Variants in IL18RAP observed in about 807,000 individuals in gnomAD.
The protein encoded by IL18RAP is interleukin-18 receptor accessory protein.
A neutral mutation model predicts 58.1 loss-of-function variants in IL18RAP; 37 were observed. That is an observed-to-expected ratio of 0.64 (90% CI 0.49 to 0.84). The LOEUF (loss-of-function observed/expected upper bound fraction) is 0.84. Ranked by LOEUF, IL18RAP falls within the 40% of genes least tolerant of loss-of-function variation. The pLI, the probability that IL18RAP is intolerant of heterozygous loss-of-function variation, is 0.00. For missense variants in IL18RAP, 667 were observed against 704.8 expected, an observed-to-expected ratio of 0.95 and a Z score of 0.61; for synonymous variants, 268 against 257.5, an observed-to-expected ratio of 1.04 and a Z score of -0.39.
At chr2:102,419,399 T>C (rs1446223035), upstream of IL18RAP, 1 of 152,240 alleles carries the variant, frequency 6.6e-6, no homozygotes, top group Non-Finnish European at 1.5e-5. Context: ...TGTCTGCAGG[T>C]GTTCTCTGTG....
At position 102,423,250 on chromosome 2, in the gene IL18RAP, G is replaced by A; in HGVS notation, c.-28G>A. 1 of 1,608,106 alleles carries A rather than the reference G, an allele frequency of 6.2e-7. No individual in the cohort carries two copies. Among genetic ancestry groups the A allele is most frequent in the South Asian group, 1.1e-5 (1 of 90,980 alleles). On this transcript the variant is annotated 5_prime_UTR_variant, in exon 1 of 10. Coordinates refer to ENST00000687160, the MANE Select transcript of IL18RAP (RefSeq NM_001393487.1). ...ACTCTGGCAAAGGAATGAAGTTATT[G>A]GAGTGATGACAGGAACACGGGAGAA...
chr2:102,448,754 G>C (rs984560894), intron 8 of IL18RAP, among the ~76,000 whole-genome samples: 2 of 151,848 alleles, frequency 1.3e-5, no homozygotes, highest in Non-Finnish European at 2.9e-5. Flanking sequence ...GAGCTCAGGA[G>C]TTCAAGACCA....
intron 3 of IL18RAP, among the ~76,000 whole-genome samples, chr2:102,428,321 A>G (rs1337932968): frequency 6.7e-6 from 1 of 150,352 alleles, no homozygotes; most frequent in Non-Finnish European, 1.5e-5. Context: ...AATTCTTCCA[A>G]TCCATGGACA....
intron 3 of IL18RAP, chr2:102,432,190 C>T (rs78988255): frequency 6.6e-6 from 1 of 152,098 alleles, no homozygotes; most frequent in Non-Finnish European, 1.5e-5. Context: ...TGGCTGTTTT[C>T]TGTGCACTGA....
At chr2:102,424,870 A>T (rs901026756) in intron 3 of IL18RAP, among the ~76,000 whole-genome samples, 1 of 152,236 alleles carries the variant, frequency 6.6e-6, no homozygotes, top group African/African-American at 2.4e-5. Flanking sequence ...GGACGAATCC[A>T]AGGTGGGCCT....
At chr2:102,426,215 G>A (rs913949706) in intron 3 of IL18RAP, among the ~76,000 whole-genome samples, 5 of 152,140 alleles carry the variant, frequency 3.3e-5, no homozygotes, top group African/African-American at 4.8e-5. Flanking sequence ...TGGTGGGTAA[G>A]TCATACCTAC....
intron 3 of IL18RAP, among the ~76,000 whole-genome samples, chr2:102,435,580 G>A (rs1682680683): frequency 6.6e-6 from 1 of 152,158 alleles, no homozygotes. Context: ...AGGGAGGAGA[G>A]TGAAAGAAAT....
chr2:102,423,885 C>A lies in IL18RAP; in HGVS notation c.145C>A (p.Pro49Thr), dbSNP rs970437397. 1 of 1,613,710 alleles carries A rather than the reference C, an allele frequency of 6.2e-7. No individual in the cohort carries two copies. Among genetic ancestry groups the A allele is most frequent in the African/African-American group, 1.3e-5 (1 of 74,886 alleles). ...GGAATTTGTCTTATTTTGTGATTTA[C>A]CAGAGCCACAGAAATCACATTTCTG... ...EEEFVLFCDL[P>T]EPQKSHFCHR... The change falls in exon 2 of 10, where the codon CCA becomes ACA. Residue 49 changes from proline to threonine, a missense_variant. Coordinates refer to ENST00000687160, the MANE Select transcript of IL18RAP (RefSeq NM_001393487.1).
At chr2:102,443,407 A>T in intron 6 of IL18RAP, 84 bp downstream of exon 6, 2 of 1,461,678 alleles carry the variant, frequency 1.4e-6, no homozygotes, top group East Asian at 4.8e-5. Context: ...TATACAGTTG[A>T]TGGTGTAGCC....
intron 1 of IL18RAP, 143 bp from the exon 2 acceptor site, chr2:102,423,668 C>A: frequency 1.4e-6 from 1 of 703,786 alleles, no homozygotes; most frequent in Admixed American, 2.9e-5. Context: ...CAGGCACTTC[C>A]TTTCCCCTAC....
intron 3 of IL18RAP, among the ~76,000 whole-genome samples, chr2:102,424,691 C>A (rs979686909): frequency 6.6e-5 from 10 of 152,172 alleles, no homozygotes; most frequent in African/African-American, 1.9e-4. Context: ...CATAAACCTA[C>A]TAACATCTGC....
At chr2:102,445,979 A>G (rs951658280) in intron 7 of IL18RAP, among the ~76,000 whole-genome samples, 24 of 152,256 alleles carry the variant, frequency 1.6e-4, no homozygotes, top group African/African-American at 5.8e-4. Context: ...TCAACAAGAC[A>G]AAGTGTGTTC....
intron 3 of IL18RAP, among the ~76,000 whole-genome samples, chr2:102,428,942 C>T (rs1490429743): frequency 3.3e-5 from 5 of 151,908 alleles, no homozygotes; most frequent in Admixed American, 1.3e-4. Flanking sequence ...GATATTTCTG[C>T]ATCGATTGAG....
At chr2:102,436,453 C>A (rs1226355599) in intron 3 of IL18RAP, among the ~76,000 whole-genome samples, 1 of 152,198 alleles carries the variant, frequency 6.6e-6, no homozygotes, top group Non-Finnish European at 1.5e-5. Context: ...CCCACAGCTG[C>A]ACTTCTCTGG....
At chr2:102,422,830 T>A (rs1681660243), upstream of IL18RAP, among the ~76,000 whole-genome samples, 1 of 152,176 alleles carries the variant, frequency 6.6e-6, no homozygotes, top group South Asian at 2.1e-4. Flanking sequence ...AATCTGACAG[T>A]TTTATTCAAC....
At chr2:102,421,403 C>T (rs1256816975), upstream of IL18RAP, among the ~76,000 whole-genome samples, 1 of 152,154 alleles carries the variant, frequency 6.6e-6, no homozygotes, top group Admixed American at 6.5e-5. Context: ...TGCTTCATCA[C>T]ATGGGTGGTG....
chr2:102,427,019 TG>T (rs1266364565), intron 3 of IL18RAP, among the ~76,000 whole-genome samples: 2 of 152,182 alleles, frequency 1.3e-5, no homozygotes, highest in Non-Finnish European at 2.9e-5. Flanking sequence ...TTTGTCTTTC[TG>T]TGCCCGGCTT....
At chr2:102,437,796 C>T (rs935609687) in intron 4 of IL18RAP, among the ~76,000 whole-genome samples, 11 of 152,132 alleles carry the variant, frequency 7.2e-5, no homozygotes, top group Non-Finnish European at 2.9e-5. Flanking sequence ...CCTTTGCTCC[C>T]ACAGTATAGT....
At position 102,445,259 on chromosome 2, in the gene IL18RAP, C is replaced by T. The variant is rs765727774; in HGVS notation, c.991C>T (p.Leu331Phe). The T allele has an allele frequency of 6.2e-7, 1 of 1,614,090 alleles. No homozygotes were observed. The highest frequency in any genetic ancestry group is 8.5e-7 in the Non-Finnish European group (1 of 1,179,938). Residue 331 changes from leucine to phenylalanine, a missense_variant, in exon 7 of 10, where the codon CTT (leucine) becomes TTT (phenylalanine). Transcript: ENST00000687160. ...IILEKVTQRD[L>F]RRKFVCFVQN... ...CTTGGAAAAAGTCACTCAGCGTGAT[C>T]TTCGCAGGAAGTTTGTTTGCTTTGT...
Sources: allele counts gnomAD v4.1 joint callset (sites outside exome capture counted in the v4.1 genomes callset), GRCh38; gene constraint gnomAD v4.1.1; transcripts MANE v1.5; gene names NCBI Gene and HGNC (gene_info 2026-07-23, HGNC 2026-07-21).